The following KCNC2 variants were observed in gnomAD, a reference collection of about 807,000 sequenced individuals.
KCNC2 encodes the protein voltage-gated potassium channel KCNC2.
KCNC2 carries 21 observed loss-of-function variants against 44.5 expected under a neutral mutation model. That is an observed-to-expected ratio of 0.47 (90% confidence interval 0.33 to 0.68). KCNC2 has a LOEUF of 0.68. Ranked by LOEUF, KCNC2 falls within the 30% of genes least tolerant of loss-of-function variation. KCNC2 has a pLI of 0.01. For missense variants in KCNC2, 589 were observed against 826.2 expected (o/e 0.71, Z 3.52); for synonymous variants, 391 against 339.1 (o/e 1.15, Z -1.68).
At chr12:75,109,938 C>A (rs1247895132) in intron 2 of KCNC2, among the ~76,000 whole-genome samples, 1 of 151,562 alleles carries the variant, frequency 6.6e-6, no homozygotes, top group Non-Finnish European at 1.5e-5. Context: ...AAGATGACAA[C>A]TTTTAAGAAT....
At chr12:75,097,912 T>C (rs375150623) in intron 2 of KCNC2, among the ~76,000 whole-genome samples, 3 of 152,174 alleles carry the variant, frequency 2.0e-5, no homozygotes, top group East Asian at 3.9e-4. Context: ...TGTCCTTCTA[T>C]TGTTAGGAAA....
intron 2 of KCNC2, among the ~76,000 whole-genome samples, chr12:75,198,503 C>A (rs2030966240): frequency 6.6e-6 from 1 of 151,730 alleles, no homozygotes; most frequent in Admixed American, 6.6e-5. Context: ...ATTGCTCCTA[C>A]AAGAAGCCTA....
intron 2 of KCNC2, among the ~76,000 whole-genome samples, chr12:75,193,358 GA>G (rs2030474951): frequency 6.6e-6 from 1 of 152,136 alleles, no homozygotes; most frequent in African/African-American, 2.4e-5. Flanking sequence ...TATAGGTAAA[GA>G]AAAGGGGTTG....
intron 2 of KCNC2, among the ~76,000 whole-genome samples, chr12:75,149,631 C>A (rs1400344506): frequency 6.6e-6 from 1 of 151,570 alleles, no homozygotes; most frequent in Non-Finnish European, 1.5e-5. Flanking sequence ...TACTGCTCAA[C>A]ATTTATACGT....
At position 75,196,660 on chromosome 12, in the gene KCNC2, T is replaced by G. The variant is rs564411342; in HGVS notation, c.687+10637A>C. Among the ~76,000 whole-genome samples the G allele has an allele frequency of 7.9e-5, 12 of 152,158 alleles. 1 individual carries two copies. The South Asian group carries it at 2.5e-3, about 32-fold the overall frequency. The stretch of plus-strand genomic sequence containing the variant: ...CCCTGAAGAAAAGACAGCAAGCAAG[T>G]TGTTGAGTCAGAATTCATATTTAGC... On this transcript the variant is annotated intron_variant, in intron 2 of 4. Transcript: ENST00000549446.
intron 2 of KCNC2, among the ~76,000 whole-genome samples, chr12:75,146,487 A>C (rs1173171750): frequency 1.3e-5 from 2 of 152,154 alleles, no homozygotes; most frequent in African/African-American, 4.8e-5. Context: ...CTGTTTTATT[A>C]ATTTTAACTG....
intron 2 of KCNC2, among the ~76,000 whole-genome samples, chr12:75,107,735 A>G (rs1039566189): frequency 6.6e-6 from 1 of 152,222 alleles, no homozygotes; most frequent in African/African-American, 2.4e-5. Context: ...TGTTTGAGTA[A>G]ACTCTAAGAG....
Position 75,047,524 on chromosome 12 carries a change from T to C in KCNC2, c.1780+629A>G, listed in dbSNP as rs1001294097. On this transcript the variant is annotated intron_variant, in intron 4 of 4. Transcript: ENST00000549446. ...CTGTTGAAAAATAGTAATAAAAGGA[T>C]TTTTTATTATTGGTCCTGAAGAAAA... is the stretch of plus-strand genomic sequence containing the variant. 6.6e-5 allele frequency among the ~76,000 whole-genome samples: 10 copies of C among 152,000 alleles called. No individual in the cohort carries two copies. The East Asian group carries it at 1.7e-3, about 26-fold the overall frequency.
chr12:75,127,576 C>T (rs1181375919), intron 2 of KCNC2, among the ~76,000 whole-genome samples: 2 of 152,054 alleles, frequency 1.3e-5, no homozygotes, highest in African/African-American at 4.8e-5. Flanking sequence ...AAGGCATTGA[C>T]CTTAGAACTG....
At chr12:75,186,585 C>A (rs758168672) in intron 2 of KCNC2, among the ~76,000 whole-genome samples, 1 of 152,156 alleles carries the variant, frequency 6.6e-6, no homozygotes, top group Non-Finnish European at 1.5e-5. Flanking sequence ...TTTTATGCAA[C>A]AATTACTTTC....
At chr12:75,136,201 A>G (rs1889218676) in intron 2 of KCNC2, among the ~76,000 whole-genome samples, 2 of 152,108 alleles carry the variant, frequency 1.3e-5, no homozygotes, top group Non-Finnish European at 2.9e-5. Context: ...AAGAGGGAAC[A>G]TTATAGCATT....
chr12:75,193,755 C>T (rs2030516730), intron 2 of KCNC2, among the ~76,000 whole-genome samples: 1 of 152,116 alleles, frequency 6.6e-6, no homozygotes, highest in Non-Finnish European at 1.5e-5. Context: ...AATTTGCCGG[C>T]CTGCTCCTAT....
chr12:75,114,856 CTTTTT>C lies in KCNC2; in HGVS notation c.688-63544_688-63540del, dbSNP rs754820554. 9.4e-3 allele frequency among the ~76,000 whole-genome samples: 815 copies of C among 86,538 alleles called. 4 individuals are homozygous for C. Among genetic ancestry groups the C allele is most frequent in the African/African-American group, 0.038 (723 of 18,826 alleles). The allele number at this position is 86,538 out of a possible 152,430, so 56.8% of individuals were successfully genotyped here. ...AGCTCCAGTCAACATTCAACTTCTA[CTTTTT>C]TTTTTTTTTTTTTTTTTTTTTTGAG... On this transcript the variant is annotated intron_variant, in intron 2 of 4. Coordinates refer to ENST00000549446, the MANE Select transcript of KCNC2 (RefSeq NM_139137.4).
intron 2 of KCNC2, among the ~76,000 whole-genome samples, chr12:75,130,005 A>G (rs1388435731): frequency 1.3e-5 from 2 of 152,132 alleles, no homozygotes; most frequent in Non-Finnish European, 2.9e-5. Context: ...CCTTTATTCA[A>G]TCTACAAAAT....
intron 2 of KCNC2, among the ~76,000 whole-genome samples, chr12:75,180,597 G>T (rs1182316024): frequency 6.6e-6 from 1 of 151,574 alleles, no homozygotes; most frequent in Non-Finnish European, 1.5e-5. Flanking sequence ...AATCCTACCT[G>T]ATTTTGGTAG....
chr12:75,133,163 G>C (rs1246495466), intron 2 of KCNC2, among the ~76,000 whole-genome samples: 24 of 152,022 alleles, frequency 1.6e-4, no homozygotes, highest in Non-Finnish European at 2.9e-5. Flanking sequence ...GCAATAAAGA[G>C]AGTTTGGTTA....
chr12:75,184,279 A>G (rs1205400107), intron 2 of KCNC2, among the ~76,000 whole-genome samples: 1 of 152,180 alleles, frequency 6.6e-6, no homozygotes, highest in African/African-American at 2.4e-5. Context: ...TAATTTTGAC[A>G]ATTACATAGG....
intron 2 of KCNC2, among the ~76,000 whole-genome samples, chr12:75,101,371 T>C (rs1004217396): frequency 6.6e-6 from 1 of 152,088 alleles, no homozygotes; most frequent in African/African-American, 2.4e-5. Flanking sequence ...GTTGGAACTA[T>C]TCTGGGAATA....
chr12:75,166,135 A>G (rs140693762), intron 2 of KCNC2, among the ~76,000 whole-genome samples: 1 of 151,492 alleles, frequency 6.6e-6, no homozygotes, highest in East Asian at 1.9e-4. Flanking sequence ...GGCAAAATAG[A>G]CTTTAAGGCA....
Sources: allele counts gnomAD v4.1 joint callset (sites outside exome capture counted in the v4.1 genomes callset), GRCh38; gene constraint gnomAD v4.1.1; transcripts MANE v1.5; gene names NCBI Gene and HGNC (gene_info 2026-07-23, HGNC 2026-07-21).